The following MCRIP1 variants were observed in gnomAD, a reference collection of about 807,000 sequenced individuals.
MCRIP1 encodes the protein mapk-regulated corepressor-interacting protein 1.
A neutral mutation model predicts 14.4 loss-of-function variants in MCRIP1; 10 were observed. That is an observed-to-expected ratio of 0.70 (90% CI 0.43 to 1.18). MCRIP1 has a LOEUF of 1.18. MCRIP1 is among the 50% of genes most tolerant of loss of function. MCRIP1 has a pLI of 0.00. For synonymous variants in MCRIP1, 53 were observed against 55.7 expected (o/e 0.95, Z 0.21); for missense variants, 119 against 135.4 (o/e 0.88, Z 0.60).
In MCRIP1 at chr17:81,823,862, C is replaced by T. The variant is rs1019902300; in HGVS notation, c.128-349G>A. ...CACGCACCTCCCCGGCCCCAGCACA[C>T]GGCACACTCCCCTAATCCCAGACAA... is the stretch of plus-strand genomic sequence containing the variant. On this transcript the variant is annotated intron_variant, in intron 3 of 4. Transcript: ENST00000455127. The surrounding 1 kb of genome is among the most constrained non-coding windows in gnomAD (Gnocchi z 6.0). 3.7e-5 allele frequency: 20 copies of T among 541,256 alleles called. No homozygotes were observed. The highest frequency in any genetic ancestry group is 2.5e-4 in the Admixed American group (7 of 28,460). The allele number at this position is 541,256 out of a possible 1,614,324, so 33.5% of individuals were successfully genotyped here.
intron 1 of MCRIP1, among the ~76,000 whole-genome samples, chr17:81,827,312 C>A (rs1325956991): frequency 2.0e-5 from 3 of 150,784 alleles, no homozygotes; most frequent in African/African-American, 4.9e-5. Flanking sequence ...CGCTCTGCTG[C>A]CCAGGCTGGA....
intron 1 of MCRIP1, among the ~76,000 whole-genome samples, chr17:81,828,249 G>A (rs2038450213): frequency 6.6e-6 from 1 of 151,736 alleles, no homozygotes. Context: ...GGGACCCCCA[G>A]GGCCTCACAC....
At chr17:81,832,739 G>T (rs939438932) in intron 1 of MCRIP1, among the ~76,000 whole-genome samples, 1 of 152,256 alleles carries the variant, frequency 6.6e-6, no homozygotes, top group African/African-American at 2.4e-5. Flanking sequence ...CGTTCTCCCC[G>T]TTAGGCCCAG....
chr17:81,824,671 C>T (rs2038351725), intron 1 of MCRIP1, 117 bp from the exon 2 acceptor site: 5 of 1,493,156 alleles, frequency 3.3e-6, no homozygotes, highest in Non-Finnish European at 4.5e-6. Flanking sequence ...AGTGCATGGT[C>T]CCTCTGCCTA....
chr17:81,826,029 C>G, intron 1 of MCRIP1: 1 of 1,405,550 alleles, frequency 7.1e-7, no homozygotes, highest in Non-Finnish European at 9.4e-7. Flanking sequence ...GGGGTACCTG[C>G]CTCCCAGCCT....
At chr17:81,824,604 C>T in intron 1 of MCRIP1, 50 bp from the exon 2 acceptor site, 1 of 1,535,326 alleles carries the variant, frequency 6.5e-7, no homozygotes, top group Non-Finnish European at 8.7e-7. Flanking sequence ...CCCTCTCCAG[C>T]ACAGAAGGAG....
chr17:81,824,145 GAC>G, intron 3 of MCRIP1, 140 bp downstream of exon 3: 1 of 722,774 alleles, frequency 1.4e-6, no homozygotes, highest in Non-Finnish European at 2.3e-6. Flanking sequence ...GAAGGCTGTG[GAC>G]ACAGTGATGG....
At chr17:81,825,860 CGGA>C in intron 1 of MCRIP1, 1 of 1,289,920 alleles carries the variant, frequency 7.8e-7, no homozygotes, top group Non-Finnish European at 1.0e-6. Flanking sequence ...CACCAGAGCA[CGGA>C]GGGAAAGGCC....
At chr17:81,824,050 C>A (rs1171217343) in intron 3 of MCRIP1, among the ~76,000 whole-genome samples, 1 of 152,230 alleles carries the variant, frequency 6.6e-6, no homozygotes, top group Non-Finnish European at 1.5e-5. Flanking sequence ...ACCCCCAGCC[C>A]CTCCTCCCGG....
At chr17:81,824,876 T>C (rs144891153) in intron 1 of MCRIP1, 254,704 of 1,235,898 alleles carry the variant, frequency 0.21, 27,832 homozygotes, top group African/African-American at 0.36. Flanking sequence ...CCGGGAGCAC[T>C]GTGGCCAGAG....
chr17:81,824,807 G>C (rs905298065), intron 1 of MCRIP1: 1 of 1,377,366 alleles, frequency 7.3e-7, no homozygotes, highest in Admixed American at 3.3e-5. Context: ...GATCAAGCCC[G>C]CTCAGCGGCC....
intron 1 of MCRIP1, among the ~76,000 whole-genome samples, chr17:81,829,961 G>T (rs1396217501): frequency 6.6e-6 from 1 of 152,208 alleles, no homozygotes; most frequent in Non-Finnish European, 1.5e-5. Flanking sequence ...GTTTTACCAG[G>T]TGTCACCTGC....
chr17:81,830,453 A>G (rs2038494108), intron 1 of MCRIP1, among the ~76,000 whole-genome samples: 1 of 151,518 alleles, frequency 6.6e-6, no homozygotes, highest in Non-Finnish European at 1.5e-5. Context: ...CCTGGCCAGC[A>G]TGGTGAAACC....
At chr17:81,824,459 C>T in intron 2 of MCRIP1, 40 bp downstream of exon 2, 3 of 1,534,252 alleles carry the variant, frequency 2.0e-6, no homozygotes, top group African/African-American at 1.4e-5. Context: ...GAGCCCACAA[C>T]CCGCCCCGGT....
At chr17:81,827,882 G>A (rs964843686) in intron 1 of MCRIP1, among the ~76,000 whole-genome samples, 2 of 147,376 alleles carry the variant, frequency 1.4e-5, no homozygotes, top group Non-Finnish European at 3.0e-5. Context: ...CCGGGTTGAC[G>A]CCATTCTCCT....
Position 81,823,769 on chromosome 17 carries a change from C to T in MCRIP1, c.128-256G>A, listed in dbSNP as rs1413306725. The T allele has an allele frequency of 1.7e-6, 1 of 589,908 alleles. No homozygotes were observed. Among genetic ancestry groups the T allele is most frequent in the South Asian group, 2.0e-5 (1 of 49,010 alleles). 36.5% of individuals were successfully genotyped at this position (589,908 alleles called of 1,614,324 possible). A position where few individuals can be genotyped will look rare whatever the true frequency, so the allele number is the denominator to read the frequency against. On this transcript the variant is annotated intron_variant, in intron 3 of 4. Coordinates refer to ENST00000455127, the MANE Select transcript of MCRIP1 (RefSeq NM_207368.5). The surrounding 1 kb of genome is among the most constrained non-coding windows in gnomAD (Gnocchi z 6.0). Reference sequence around the variant, plus strand: ...TCAGAGGGACCCCTATGACCCTACCCCAGGCTTCCCTGCGCCTCGGAGGCA... The same window carrying T: ...TCAGAGGGACCCCTATGACCCTACCTCAGGCTTCCCTGCGCCTCGGAGGCA...
At position 81,822,820 on chromosome 17, in the gene MCRIP1, C is replaced by T. The variant is rs1362302964; in HGVS notation, c.*427G>A. 3.5e-6 allele frequency: 1 copy of T among 288,984 alleles called. No individual in the cohort carries two copies. The highest frequency in any genetic ancestry group is 2.2e-5 in the African/African-American group (1 of 45,976). 17.9% of individuals were successfully genotyped at this position (288,984 alleles called of 1,614,324 possible). ...CTGGATGGGGTGGGGCTGCCCTTGTCCTGTATCCTGACCACTTCAAGGACA... is the reference window on the plus strand; with the variant it reads ...CTGGATGGGGTGGGGCTGCCCTTGTTCTGTATCCTGACCACTTCAAGGACA... On this transcript the variant is annotated 3_prime_UTR_variant, in exon 5 of 5. Transcript: ENST00000455127.
intron 1 of MCRIP1, among the ~76,000 whole-genome samples, chr17:81,830,461 A>AC (rs2038494383): frequency 6.6e-6 from 1 of 150,586 alleles, no homozygotes; most frequent in African/African-American, 2.4e-5. Flanking sequence ...GCATGGTGAA[A>AC]CCCCGTCTCT....
At chr17:81,824,781 A>G in intron 1 of MCRIP1, 1 of 1,416,520 alleles carries the variant, frequency 7.1e-7, no homozygotes, top group African/African-American at 1.4e-5. Flanking sequence ...AGCCAGACAC[A>G]CACACAACTT....
Sources: gnomAD v4.1 joint callset for allele counts (sites outside exome capture counted in the v4.1 genomes callset) on GRCh38, gnomAD v4.1.1 for gene constraint, Gnocchi (gnomAD v3.1) non-coding constraint, MANE v1.5 for transcripts, NCBI Gene and HGNC (gene_info 2026-07-23, HGNC 2026-07-21) for gene names.